The following GLIS3 variants were observed in gnomAD, a reference collection of about 807,000 sequenced individuals.
GLIS3 encodes GLIS family zinc finger 3, also known as zinc finger protein GLIS3.
Under a neutral mutation model 78.6 loss-of-function variants are expected in GLIS3, and 53 were observed. The ratio of observed to expected loss-of-function variants is 0.67; its 90% CI spans 0.54 to 0.85. The LOEUF is 0.85. Ranked by LOEUF, GLIS3 falls within the 40% of genes least tolerant of loss-of-function variation. The pLI is 0.00. For synonymous variants in GLIS3, 684 were observed against 509.9 expected (o/e 1.34, Z -4.60); for missense variants, 1,703 against 1,231.1 (o/e 1.38, Z -5.74).
intron 2 of GLIS3, among the ~76,000 whole-genome samples, chr9:4,211,934 G>C (rs971556968): frequency 6.6e-6 from 1 of 152,210 alleles, no homozygotes; most frequent in African/African-American, 2.4e-5. Flanking sequence ...ACCATAAACT[G>C]TGTTATTCCA....
intron 2 of GLIS3, among the ~76,000 whole-genome samples, chr9:4,142,574 A>G (rs1014834683): frequency 6.6e-6 from 1 of 152,226 alleles, no homozygotes; most frequent in Non-Finnish European, 1.5e-5. Flanking sequence ...ACAAAACTAC[A>G]GGCAGAAATC....
At chr9:3,995,668 G>C (rs191585549) in intron 4 of GLIS3, among the ~76,000 whole-genome samples, 2 of 152,094 alleles carry the variant, frequency 1.3e-5, no homozygotes, top group Admixed American at 1.3e-4. Context: ...TTTAAAAAAA[G>C]CTTCACTTAT....
chr9:4,304,795 G>C (rs1156575360), upstream of GLIS3, among the ~76,000 whole-genome samples: 1 of 152,184 alleles, frequency 6.6e-6, no homozygotes, highest in African/African-American at 2.4e-5. Flanking sequence ...TACCTGCAAA[G>C]GGGTTTGAAA....
intron 4 of GLIS3, among the ~76,000 whole-genome samples, chr9:4,084,307 T>A: frequency 7.8e-6 from 1 of 128,120 alleles, no homozygotes; most frequent in South Asian, 2.4e-4. Context: ...ATTCCTAGCC[T>A]CCCCTTAAAC....
chr9:4,194,118 T>A (rs969360450), intron 2 of GLIS3, among the ~76,000 whole-genome samples: 1 of 152,144 alleles, frequency 6.6e-6, no homozygotes, highest in Admixed American at 6.5e-5. Context: ...AGTGCAGTGG[T>A]GCGATCTCGG....
At chr9:4,246,491 T>G (rs2129784980) in intron 2 of GLIS3, among the ~76,000 whole-genome samples, 1 of 152,324 alleles carries the variant, frequency 6.6e-6, no homozygotes, top group Admixed American at 6.5e-5. Context: ...TTCCATGCAT[T>G]TTCCCTAAGT....
intron 3 of GLIS3, 103 bp downstream of exon 3, chr9:4,125,631 T>A: frequency 5.0e-6 from 4 of 792,638 alleles, no homozygotes; most frequent in Non-Finnish European, 8.4e-6. Flanking sequence ...TGTAAGTGTA[T>A]GAGTGTGTGT....
At chr9:4,211,068 G>A (rs761543872) in intron 2 of GLIS3, among the ~76,000 whole-genome samples, 4 of 152,146 alleles carry the variant, frequency 2.6e-5, no homozygotes, top group Non-Finnish European at 4.4e-5. Context: ...TTAAACAGGC[G>A]CCCTCAACAA....
intron 4 of GLIS3, among the ~76,000 whole-genome samples, chr9:3,983,139 G>T (rs566047542): frequency 6.6e-6 from 1 of 152,196 alleles, no homozygotes; most frequent in East Asian, 1.9e-4. Flanking sequence ...TTATGGGGTG[G>T]GTCTTTCCTG....
intron 4 of GLIS3, chr9:4,034,660 G>C (rs367660857): frequency 3.3e-5 from 5 of 152,146 alleles, no homozygotes; most frequent in African/African-American, 1.2e-4. Flanking sequence ...GAAATTGTTT[G>C]GGGAGCCACA....
chr9:4,290,598 G>A (rs979888858), intron 1 of GLIS3, among the ~76,000 whole-genome samples: 3 of 152,076 alleles, frequency 2.0e-5, no homozygotes, highest in Non-Finnish European at 4.4e-5. Flanking sequence ...AGCACATTTC[G>A]CAATTCAATC....
chr9:4,404,492 C>A, the GLIS3 span, among the ~76,000 whole-genome samples: 3 of 152,000 alleles, frequency 2.0e-5, no homozygotes, highest in Admixed American at 6.5e-5. Flanking sequence ...TTAAAGCATT[C>A]AAAAAAATTA....
chr9:4,281,576 C>T (rs915245801), intron 2 of GLIS3, among the ~76,000 whole-genome samples: 8 of 152,316 alleles, frequency 5.3e-5, no homozygotes, highest in Non-Finnish European at 8.8e-5. Flanking sequence ...AGCATAATTT[C>T]CTCAAAGATC....
chr9:4,180,673 T>C (rs1817236557), intron 2 of GLIS3, among the ~76,000 whole-genome samples: 1 of 152,162 alleles, frequency 6.6e-6, no homozygotes. Context: ...ATAAAATCCT[T>C]CTATCTTATA....
chr9:4,453,345 C>CAAAAAAAAAAAA, the GLIS3 span, among the ~76,000 whole-genome samples: 9 of 91,672 alleles, frequency 9.8e-5, no homozygotes, highest in Middle Eastern at 7.7e-3. Flanking sequence ...TTCTGCACAG[C>CAAAAAAAAAAAA]AAAAAAAAAA....
intron 4 of GLIS3, among the ~76,000 whole-genome samples, chr9:4,050,397 T>C (rs1825651297): frequency 6.6e-6 from 1 of 151,794 alleles, no homozygotes; most frequent in African/African-American, 2.4e-5. Context: ...AATTGAACAA[T>C]GAGAACACTT....
intron 2 of GLIS3, among the ~76,000 whole-genome samples, chr9:4,264,041 T>G (rs1024857638): frequency 6.6e-6 from 1 of 152,158 alleles, no homozygotes; most frequent in Non-Finnish European, 1.5e-5. Flanking sequence ...AGCTCCAGAT[T>G]TGTATATCCA....
chr9:4,240,912 GAAA>G (rs968687904), intron 2 of GLIS3, among the ~76,000 whole-genome samples: 1 of 151,362 alleles, frequency 6.6e-6, no homozygotes, highest in Non-Finnish European at 1.5e-5. Flanking sequence ...GACACAGGAG[GAAA>G]AAAAGAGAAC....
At chr9:4,009,410 A>G (rs771666470) in intron 4 of GLIS3, among the ~76,000 whole-genome samples, 20 of 152,160 alleles carry the variant, frequency 1.3e-4, no homozygotes, top group Non-Finnish European at 2.4e-4. Flanking sequence ...GCTGCCACTC[A>G]AGAAGATGGG....
Sources: gnomAD v4.1 joint callset for allele counts (sites outside exome capture counted in the v4.1 genomes callset) on GRCh38, gnomAD v4.1.1 for gene constraint, MANE v1.5 for transcripts, NCBI Gene and HGNC (gene_info 2026-07-23, HGNC 2026-07-21) for gene names.